The following POC5 variants were observed in gnomAD, a reference collection of about 807,000 sequenced individuals.
POC5 encodes POC5 centriolar protein.
In POC5, 48 loss-of-function variants were observed where a neutral mutation model predicts 62.9. That is an observed-to-expected ratio of 0.76 (90% CI 0.61 to 0.97). POC5 has a LOEUF of 0.97. Ranked by LOEUF, POC5 falls within the 50% of genes least tolerant of loss-of-function variation. The probability of loss-of-function intolerance (pLI) is 0.00; values close to 1 mark genes in which losing one functional copy is unlikely to be tolerated. For synonymous variants in POC5, 236 were observed against 228.2 expected, an observed-to-expected ratio of 1.03 and a Z score of -0.31; for missense variants, 696 against 679.5, an observed-to-expected ratio of 1.02 and a Z score of -0.27.
At chr5:75,711,564 G>T (rs1777343727) in intron 2 of POC5, among the ~76,000 whole-genome samples, 1 of 152,106 alleles carries the variant, frequency 6.6e-6, no homozygotes, top group Non-Finnish European at 1.5e-5. Context: ...GTAAAAATGT[G>T]TATTTTATGT....
At chr5:75,700,848 A>G (rs1776845779) in intron 5 of POC5, among the ~76,000 whole-genome samples, 5 of 138,594 alleles carry the variant, frequency 3.6e-5, no homozygotes, top group South Asian at 2.5e-4. Context: ...TCCAGAATCT[A>G]CAATGAACTC....
chr5:75,680,606 G>A (rs1775831267), intron 10 of POC5, among the ~76,000 whole-genome samples: 1 of 151,932 alleles, frequency 6.6e-6, no homozygotes, highest in African/African-American at 2.4e-5. Context: ...ATTAAAAATT[G>A]TATAAATTGA....
In POC5 at chr5:75,685,089, G is replaced by A. The variant is rs574896874; in HGVS notation, c.1407+118C>T. 86 of 1,086,710 alleles carry A rather than the reference G, an allele frequency of 7.9e-5. No homozygotes were observed. In the African/African-American group the frequency reaches 1.2e-3, roughly 15 times the overall value. The allele number at this position is 1,086,710 out of a possible 1,614,324, so 67.3% of individuals were successfully genotyped here. The stretch of plus-strand genomic sequence containing the variant: ...TCACCGTGTTAGCCAGGATGGTCTC[G>A]ATCTCCTGACCTCGTGATCCACCTG... On this transcript the variant is annotated intron_variant, in intron 10 of 11. Transcript: ENST00000428202.
rs1268430665 is a variant in POC5 at position 75,692,482 on chromosome 5, G to A, written c.709C>T (p.His237Tyr). Residue 237 changes from histidine to tyrosine, a missense_variant, in exon 7 of 12, where the codon CAT (histidine) becomes TAT (tyrosine). His to Tyr is a moderately conservative substitution (Grantham distance 83). Coordinates refer to ENST00000428202, the MANE Select transcript of POC5 (RefSeq NM_001099271.2). Reference protein sequence around the residue: ...RKDEVISSLSHAIGKQKEKIE... With the variant: ...RKDEVISSLSYAIGKQKEKIE... ...TTTTCCTTTTGCTTGCCTATGGCAT[G>A]AGACAAGCTAGAAATCACCTGTAAA... is the stretch of plus-strand genomic sequence containing the variant. The A allele has an allele frequency of 6.2e-7, 1 of 1,600,210 alleles. No homozygotes were observed.
chr5:75,717,238 A>C (rs1742635414), intron 1 of POC5, 68 bp downstream of exon 1: 1 of 152,260 alleles, frequency 6.6e-6, no homozygotes, highest in Non-Finnish European at 1.5e-5. Flanking sequence ...AAGGAACTTT[A>C]AATCTCCCTC....
intron 11 of POC5, among the ~76,000 whole-genome samples, chr5:75,676,345 G>A (rs145378520): frequency 1.1e-3 from 173 of 152,102 alleles, no homozygotes; most frequent in Middle Eastern, 3.4e-3. Context: ...AGTCTTCTAC[G>A]AACTTTCAGA....
chr5:75,708,328 C>G (rs1270345063), intron 2 of POC5, among the ~76,000 whole-genome samples: 4 of 152,068 alleles, frequency 2.6e-5, no homozygotes, highest in African/African-American at 9.7e-5. Context: ...GCCTGGGTGA[C>G]AGAGCAAGAT....
chr5:75,684,024 G>A (rs1255626875), intron 10 of POC5, among the ~76,000 whole-genome samples: 2 of 152,012 alleles, frequency 1.3e-5, no homozygotes, highest in African/African-American at 4.8e-5. Flanking sequence ...TTAACAGCTT[G>A]ATCAATTTCA....
intron 5 of POC5, among the ~76,000 whole-genome samples, chr5:75,697,528 C>A (rs1367542779): frequency 6.6e-6 from 1 of 152,010 alleles, no homozygotes; most frequent in East Asian, 1.9e-4. Context: ...CACCACCAGG[C>A]CTGCCCTAAA....
At position 75,676,870 on chromosome 5, in the gene POC5, A is replaced by C. The variant is rs1221280875; in HGVS notation, c.1584+904T>G. Among the ~76,000 whole-genome samples the C allele has an allele frequency of 2.1e-5, 3 of 145,422 alleles. No individual in the cohort carries two copies. The East Asian group carries it at 6.1e-4, about 30-fold the overall frequency. ...AAAATAAATAAATAAATAAATAAAT[A>C]AATCCTTGTTTTTCTTTAGGGATGT... is the stretch of plus-strand genomic sequence containing the variant. On this transcript the variant is annotated intron_variant, in intron 11 of 11. Coordinates refer to ENST00000428202, the MANE Select transcript of POC5 (RefSeq NM_001099271.2).
intron 5 of POC5, among the ~76,000 whole-genome samples, chr5:75,700,217 A>G (rs1453976355): frequency 2.6e-5 from 4 of 151,696 alleles, no homozygotes; most frequent in African/African-American, 9.7e-5. Flanking sequence ...GGAAAAAACT[A>G]CTTTAAAGTT....
chr5:75,689,187 A>T lies in POC5; in HGVS notation c.976-22T>A, dbSNP rs796981245. On this transcript the variant is annotated intron_variant, in intron 8 of 11. Transcript: ENST00000428202. ...ATAACTAAAATAAGAATGTTTAAAAAGCAAAACAATTTGAGATACAAAGAA... is the reference window on the plus strand; with the variant it reads ...ATAACTAAAATAAGAATGTTTAAAATGCAAAACAATTTGAGATACAAAGAA... 4.6e-6 allele frequency: 7 copies of T among 1,512,674 alleles called. No homozygotes were observed. In the African/African-American group the frequency reaches 8.4e-5, roughly 18 times the overall value. 93.7% of individuals were successfully genotyped at this position (1,512,674 alleles called of 1,614,324 possible).
At chr5:75,675,443 T>C (rs989356029) in intron 11 of POC5, among the ~76,000 whole-genome samples, 1 of 152,178 alleles carries the variant, frequency 6.6e-6, no homozygotes, top group Non-Finnish European at 1.5e-5. Context: ...TAAAATTACA[T>C]GTATTTGGTC....
intron 10 of POC5, among the ~76,000 whole-genome samples, chr5:75,684,898 C>G (rs1453429295): frequency 6.9e-6 from 1 of 144,942 alleles, no homozygotes; most frequent in Non-Finnish European, 1.5e-5. Flanking sequence ...GATGGAGTCT[C>G]GCTCTGTTGC....
intron 10 of POC5, among the ~76,000 whole-genome samples, chr5:75,680,528 C>T (rs1408163631): frequency 6.6e-6 from 1 of 152,002 alleles, no homozygotes; most frequent in African/African-American, 2.4e-5. Context: ...AAATGGCTCG[C>T]ATGTTTACTG....
intron 10 of POC5, among the ~76,000 whole-genome samples, chr5:75,678,237 T>C (rs974996532): frequency 2.0e-5 from 3 of 152,116 alleles, no homozygotes; most frequent in African/African-American, 7.2e-5. Context: ...ACAGAGATCA[T>C]ATTGAAAAGT....
chr5:75,690,483 A>G lies in POC5; in HGVS notation c.875T>C (p.Val292Ala), dbSNP rs199868248. ...TACCACATCTTTCCACTGCTTTTGC[A>G]CTACGGAACGCCAGACTTTCCAGAC... Reference protein sequence around the residue: ...KKVWKVWRSVVQKQWKDVVER... With the variant: ...KKVWKVWRSVAQKQWKDVVER... Residue 292 changes from valine to alanine, a missense_variant, in exon 8 of 12, where the codon GTG becomes GCG. Coordinates refer to ENST00000428202, the MANE Select transcript of POC5 (RefSeq NM_001099271.2). 4.3e-5 allele frequency: 69 copies of G among 1,609,734 alleles called. No individual in the cohort carries two copies. In the East Asian group the frequency reaches 1.4e-3, roughly 33 times the overall value.
chr5:75,712,003 G>C (rs938875411), intron 2 of POC5, among the ~76,000 whole-genome samples: 7 of 152,178 alleles, frequency 4.6e-5, no homozygotes, highest in African/African-American at 1.7e-4. Flanking sequence ...CATCAAAAGG[G>C]AAGGCTAGGG....
At chr5:75,695,668 A>G (rs1325012730) in intron 5 of POC5, among the ~76,000 whole-genome samples, 1 of 152,076 alleles carries the variant, frequency 6.6e-6, no homozygotes, top group Non-Finnish European at 1.5e-5. Context: ...AGCAAAAAAA[A>G]CAAAAAACAA....
Sources: allele counts gnomAD v4.1 joint callset (sites outside exome capture counted in the v4.1 genomes callset), GRCh38; gene constraint gnomAD v4.1.1; transcripts MANE v1.5; gene names NCBI Gene and HGNC (gene_info 2026-07-23, HGNC 2026-07-21).